DPH6: variants seen among roughly 807,000 people sequenced by gnomAD.
DPH6 encodes the protein diphthine--ammonia ligase.
DPH6 carries 33 observed loss-of-function variants against 38.2 expected under a neutral mutation model. The observed-to-expected ratio is 0.86, with a 90% CI of 0.65 to 1.15. The LOEUF (loss-of-function observed/expected upper bound fraction) is 1.15, where lower values mean the gene tolerates loss of function less well. DPH6 is among the 50% of genes most tolerant of loss of function. DPH6 has a pLI of 0.00. For missense variants in DPH6, 325 were observed against 320.0 expected (o/e 1.02, Z -0.12); for synonymous variants, 108 against 103.0 (o/e 1.05, Z -0.30).
chr15:35,542,315 C>CTT, intron 2 of DPH6, 98 bp downstream of exon 2: 2 of 973,880 alleles, frequency 2.1e-6, no homozygotes, highest in Non-Finnish European at 3.0e-6. Context: ...TTTATTGGTT[C>CTT]TTTTTTTTTC....
At chr15:35,245,622 T>C (rs2051632797) in intron 3 of DPH6, among the ~76,000 whole-genome samples, 1 of 152,186 alleles carries the variant, frequency 6.6e-6, no homozygotes, top group Non-Finnish European at 1.5e-5. Context: ...AAGCATTATC[T>C]AAGACAAGGG....
chr15:35,160,223 T>C, the DPH6 span, among the ~76,000 whole-genome samples: 1 of 151,908 alleles, frequency 6.6e-6, no homozygotes, highest in Non-Finnish European at 1.5e-5. Flanking sequence ...AGACCACACA[T>C]CCTAATTATT....
the DPH6 span, among the ~76,000 whole-genome samples, chr15:35,157,962 T>C: frequency 3.3e-3 from 506 of 152,184 alleles, 5 homozygotes; most frequent in African/African-American, 0.012. Context: ...AAAATCCTTA[T>C]CAGATCTTCT....
intron 8 of DPH6, chr15:35,372,480 A>G (rs1389399815): frequency 1.2e-5 from 3 of 241,018 alleles, no homozygotes; most frequent in East Asian, 1.6e-4. Flanking sequence ...GTGTGCGTAC[A>G]TGGTAGCAAA....
At chr15:35,375,790 G>A (rs1383743570) in intron 7 of DPH6, among the ~76,000 whole-genome samples, 1 of 151,890 alleles carries the variant, frequency 6.6e-6, no homozygotes, top group East Asian at 1.9e-4. Context: ...CCAGCCTCCT[G>A]AGGTGTTGGG....
At chr15:35,236,435 G>T (rs973407171) in intron 3 of DPH6, among the ~76,000 whole-genome samples, 3 of 152,006 alleles carry the variant, frequency 2.0e-5, no homozygotes, top group Non-Finnish European at 4.4e-5. Context: ...TCAGGAGATC[G>T]AGACCATCCG....
chr15:35,205,099 G>C, the DPH6 span, among the ~76,000 whole-genome samples: 1 of 151,808 alleles, frequency 6.6e-6, no homozygotes, highest in African/African-American at 2.4e-5. Context: ...GACATAAAAG[G>C]CTTTATTAAC....
intron 6 of DPH6, among the ~76,000 whole-genome samples, chr15:35,397,032 C>T (rs913371400): frequency 3.9e-5 from 6 of 152,190 alleles, no homozygotes; most frequent in South Asian, 2.1e-4. Context: ...TGTCAATTAA[C>T]AAGAACTGGA....
At chr15:35,422,411 TC>T (rs1367089290) in intron 5 of DPH6, among the ~76,000 whole-genome samples, 2 of 151,978 alleles carry the variant, frequency 1.3e-5, no homozygotes, top group African/African-American at 4.8e-5. Flanking sequence ...TCATTTTCTT[TC>T]CCCATTAGCT....
intron 3 of DPH6, among the ~76,000 whole-genome samples, chr15:35,283,985 G>A (rs894277314): frequency 4.6e-5 from 7 of 152,122 alleles, no homozygotes; most frequent in East Asian, 1.9e-4. Context: ...CTTTCATTAA[G>A]CATAAATTTT....
intron 3 of DPH6, among the ~76,000 whole-genome samples, chr15:35,356,262 T>G (rs1403742839): frequency 6.6e-6 from 1 of 152,194 alleles, no homozygotes; most frequent in Non-Finnish European, 1.5e-5. Context: ...TTTGATCATC[T>G]GAAGACTTCT....
chr15:35,375,751 G>A (rs2052770623), intron 7 of DPH6, among the ~76,000 whole-genome samples: 1 of 151,978 alleles, frequency 6.6e-6, no homozygotes, highest in Non-Finnish European at 1.5e-5. Context: ...TGGGCAGCTG[G>A]GTTTGGTTTG....
intron 3 of DPH6, among the ~76,000 whole-genome samples, chr15:35,304,429 G>C (rs2052074387): frequency 6.6e-6 from 1 of 152,078 alleles, no homozygotes; most frequent in South Asian, 2.1e-4. Context: ...AGAACAGACA[G>C]GCCCAGTATT....
At chr15:35,284,801 ATTTTTTTTTTTTTT>A (rs71123127) in intron 3 of DPH6, among the ~76,000 whole-genome samples, 1 of 79,216 alleles carries the variant, frequency 1.3e-5, no homozygotes, top group Non-Finnish European at 2.1e-5. Context: ...AAGTCTCCAA[ATTTTTTTTTTTTTT>A]TTTTTTTTTT....
intron 3 of DPH6, among the ~76,000 whole-genome samples, chr15:35,524,648 T>C (rs1360881392): frequency 1.3e-5 from 2 of 152,184 alleles, no homozygotes; most frequent in Non-Finnish European, 2.9e-5. Flanking sequence ...TATCTCAGTT[T>C]ACTTATCTGC....
the DPH6 span, among the ~76,000 whole-genome samples, chr15:35,177,616 A>C: frequency 1.4e-5 from 2 of 147,378 alleles, no homozygotes; most frequent in Non-Finnish European, 1.5e-5. Context: ...CATCATCATC[A>C]TCATCATCAT....
intron 3 of DPH6, chr15:35,237,013 TGAAGG>T (rs1161542671): frequency 6.9e-6 from 2 of 291,206 alleles, no homozygotes; most frequent in Middle Eastern, 1.0e-3. Flanking sequence ...GGTGAGTTGT[TGAAGG>T]AAGTTTTATA....
chr15:35,299,933 T>C (rs911016804), intron 3 of DPH6, among the ~76,000 whole-genome samples: 8 of 152,188 alleles, frequency 5.3e-5, no homozygotes, highest in African/African-American at 1.7e-4. Context: ...CATGCACTTA[T>C]CAAAATATCA....
At chr15:35,154,707 A>G in the DPH6 span, among the ~76,000 whole-genome samples, 3 of 152,214 alleles carry the variant, frequency 2.0e-5, no homozygotes, top group African/African-American at 7.2e-5. Context: ...CACTAATAAG[A>G]CAAGTTGCCT....
Sources: gnomAD v4.1 joint callset for allele counts (sites outside exome capture counted in the v4.1 genomes callset) on GRCh38, gnomAD v4.1.1 for gene constraint, MANE v1.5 for transcripts, NCBI Gene and HGNC (gene_info 2026-07-23, HGNC 2026-07-21) for gene names.